Variants in ADAMTS12 observed in about 807,000 individuals in gnomAD.
ADAMTS12 encodes the protein ADAM metallopeptidase with thrombospondin type 1 motif 12, also known as A disintegrin and metalloproteinase with thrombospondin motifs 12.
ADAMTS12 carries 118 observed loss-of-function variants against 167.8 expected under a neutral mutation model. The ratio of observed to expected loss-of-function variants is 0.70; its 90% CI spans 0.61 to 0.82. The LOEUF (loss-of-function observed/expected upper bound fraction) is 0.82. ADAMTS12 is among the 40% of genes least tolerant of loss of function. ADAMTS12 has a pLI of 0.00. For synonymous variants in ADAMTS12, 704 were observed against 716.9 expected (o/e 0.98, Z 0.29); for missense variants, 1,916 against 1,998.8 (o/e 0.96, Z 0.79).
At chr5:33,805,925 TA>T (rs34911453) in intron 2 of ADAMTS12, among the ~76,000 whole-genome samples, 66,128 of 146,232 alleles carry the variant, frequency 0.45, 14,552 homozygotes, top group East Asian at 0.58. Flanking sequence ...ACCTCTCATT[TA>T]AAAAAAAAAA....
At chr5:33,688,033 G>A (rs910118258) in intron 3 of ADAMTS12, among the ~76,000 whole-genome samples, 1 of 152,072 alleles carries the variant, frequency 6.6e-6, no homozygotes, top group Non-Finnish European at 1.5e-5. Flanking sequence ...TAAATAACAG[G>A]ACTCTCTAAT....
chr5:33,836,380 G>A (rs1196226357), intron 2 of ADAMTS12, among the ~76,000 whole-genome samples: 1 of 152,222 alleles, frequency 6.6e-6, no homozygotes, highest in Non-Finnish European at 1.5e-5. Context: ...AGCTAGACAG[G>A]GGTGGCACAT....
intron 2 of ADAMTS12, among the ~76,000 whole-genome samples, chr5:33,771,170 C>T (rs1745725318): frequency 6.6e-6 from 1 of 152,130 alleles, no homozygotes; most frequent in African/African-American, 2.4e-5. Context: ...GCATACAATG[C>T]TACCCAACAC....
At chr5:33,717,480 C>T (rs1743656150) in intron 3 of ADAMTS12, among the ~76,000 whole-genome samples, 1 of 152,130 alleles carries the variant, frequency 6.6e-6, no homozygotes, top group Non-Finnish European at 1.5e-5. Context: ...CTACTATTAC[C>T]CTCATTTTAC....
intron 2 of ADAMTS12, among the ~76,000 whole-genome samples, chr5:33,864,714 T>C (rs545231160): frequency 1.3e-5 from 2 of 152,170 alleles, no homozygotes; most frequent in South Asian, 4.2e-4. Flanking sequence ...GTGGAAACCA[T>C]CATTCTCAGC....
intron 2 of ADAMTS12, among the ~76,000 whole-genome samples, chr5:33,803,453 C>T (rs554441960): frequency 6.6e-6 from 1 of 152,262 alleles, no homozygotes; most frequent in Admixed American, 6.5e-5. Flanking sequence ...CTGGCCTGAA[C>T]CATTCTGGTT....
intron 2 of ADAMTS12, among the ~76,000 whole-genome samples, chr5:33,787,360 G>A (rs1377010811): frequency 6.6e-6 from 1 of 152,238 alleles, no homozygotes; most frequent in East Asian, 1.9e-4. Flanking sequence ...ATCCATTGCA[G>A]GGCCACTGTC....
chr5:33,523,611 C>G lies in ADAMTS12; in HGVS notation c.*3577G>C, dbSNP rs1260872271. 6.6e-6 allele frequency: 1 copy of G among 152,100 alleles called. No homozygotes were observed. Among genetic ancestry groups the G allele is most frequent in the Admixed American group, 6.6e-5 (1 of 15,266 alleles). The allele number at this position is 152,100 out of a possible 1,614,324, so 9.4% of individuals were successfully genotyped here. A position where few individuals can be genotyped will look rare whatever the true frequency, so the allele number is the denominator to read the frequency against. On this transcript the variant is annotated 3_prime_UTR_variant, in exon 24 of 24. Transcript: ENST00000504830. The stretch of plus-strand genomic sequence containing the variant: ...TGGTTTTAAGTACTGAAATATCCAC[C>G]AAGGTACCCCTTGAGGAGGCTGGGT...
chr5:33,604,420 G>A (rs1037496729), intron 16 of ADAMTS12, among the ~76,000 whole-genome samples: 4 of 151,710 alleles, frequency 2.6e-5, no homozygotes, highest in Admixed American at 6.6e-5. Context: ...AGAATCACTT[G>A]AACCTGGGAG....
At chr5:33,669,115 A>G (rs1561204891) in intron 5 of ADAMTS12, among the ~76,000 whole-genome samples, 2 of 152,214 alleles carry the variant, frequency 1.3e-5, no homozygotes, top group African/African-American at 4.8e-5. Context: ...AATCAATACA[A>G]TTAGTTAGTG....
intron 16 of ADAMTS12, among the ~76,000 whole-genome samples, chr5:33,609,412 C>T (rs956326396): frequency 6.7e-6 from 1 of 150,304 alleles, no homozygotes; most frequent in Non-Finnish European, 1.5e-5. Flanking sequence ...ACTCTGTTGC[C>T]CAGGCTGGAG....
At chr5:33,683,179 A>G in intron 4 of ADAMTS12, 78 bp from the exon 5 acceptor site, 1 of 1,126,794 alleles carries the variant, frequency 8.9e-7, no homozygotes, top group Non-Finnish European at 1.3e-6. Flanking sequence ...ATAGCATTGT[A>G]ATGCACATAA....
chr5:33,573,582 T>A (rs1392849096), intron 19 of ADAMTS12, among the ~76,000 whole-genome samples: 10 of 152,166 alleles, frequency 6.6e-5, no homozygotes, highest in Admixed American at 6.5e-4. Flanking sequence ...TTACACCTTA[T>A]ACAAAAATTA....
At chr5:33,585,268 C>T (rs1349115272) in intron 18 of ADAMTS12, among the ~76,000 whole-genome samples, 1 of 152,198 alleles carries the variant, frequency 6.6e-6, no homozygotes, top group Non-Finnish European at 1.5e-5. Flanking sequence ...ACCCACTGGG[C>T]TGCCCTTATT....
At chr5:33,870,908 A>G (rs1239424366) in intron 2 of ADAMTS12, among the ~76,000 whole-genome samples, 2 of 152,190 alleles carry the variant, frequency 1.3e-5, no homozygotes, top group South Asian at 4.1e-4. Flanking sequence ...GGTATCCTCA[A>G]TCATGCTTCT....
chr5:33,668,508 T>C (rs139471506), intron 5 of ADAMTS12, among the ~76,000 whole-genome samples: 6 of 152,268 alleles, frequency 3.9e-5, no homozygotes, highest in African/African-American at 1.2e-4. Context: ...TGGAGGAATT[T>C]TTTTTTTCTT....
chr5:33,682,900 G>A (rs1006066670), intron 5 of ADAMTS12, 118 bp downstream of exon 5: 2 of 735,382 alleles, frequency 2.7e-6, no homozygotes, highest in Admixed American at 2.9e-5. Context: ...TTTCCTTCTC[G>A]ATGGGCTTCC....
At chr5:33,579,612 C>A (rs894441415) in intron 18 of ADAMTS12, among the ~76,000 whole-genome samples, 1 of 152,076 alleles carries the variant, frequency 6.6e-6, no homozygotes, top group Non-Finnish European at 1.5e-5. Flanking sequence ...ACTATGAAGT[C>A]AAAAAACTAT....
At chr5:33,610,749 G>A (rs73080377) in intron 16 of ADAMTS12, among the ~76,000 whole-genome samples, 2,818 of 152,194 alleles carry the variant, frequency 0.019, 98 homozygotes, top group African/African-American at 0.064. Context: ...TTCACGGAAC[G>A]GAATAGTACA....
Sources: gnomAD v4.1 joint callset for allele counts (sites outside exome capture counted in the v4.1 genomes callset) on GRCh38, gnomAD v4.1.1 for gene constraint, MANE v1.5 for transcripts, NCBI Gene and HGNC (gene_info 2026-07-23, HGNC 2026-07-21) for gene names.